Variants in GDAP2 observed in about 807,000 individuals in gnomAD.
GDAP2 encodes ganglioside induced differentiation associated protein 2, also known as ganglioside-induced differentiation-associated protein 2.
GDAP2 carries 51 observed loss-of-function variants against 67.0 expected under a neutral mutation model. That is an observed-to-expected ratio of 0.76 (90% confidence interval 0.61 to 0.96). GDAP2 has a LOEUF of 0.96. GDAP2 is among the 40% of genes least tolerant of loss of function. The pLI, the probability that GDAP2 is intolerant of heterozygous loss-of-function variation, is 0.00. For synonymous variants in GDAP2, 203 were observed against 207.3 expected, an observed-to-expected ratio of 0.98 and a Z score of 0.18; for missense variants, 547 against 588.3, an observed-to-expected ratio of 0.93 and a Z score of 0.73.
intron 1 of GDAP2, among the ~76,000 whole-genome samples, chr1:117,923,089 T>G (rs1650313620): frequency 6.6e-6 from 1 of 152,272 alleles, no homozygotes; most frequent in African/African-American, 2.4e-5. Flanking sequence ...TGTCCTGCCC[T>G]GCCCACAGGC....
intron 1 of GDAP2, among the ~76,000 whole-genome samples, chr1:117,927,000 G>GT (rs937499721): frequency 9.8e-5 from 11 of 111,866 alleles, no homozygotes; most frequent in Admixed American, 3.5e-4. Flanking sequence ...CTAAGCCCTA[G>GT]TTAAAAAAAA....
intron 13 of GDAP2, among the ~76,000 whole-genome samples, chr1:117,875,713 C>T (rs1467330562): frequency 3.3e-5 from 5 of 152,184 alleles, no homozygotes; most frequent in African/African-American, 1.2e-4. Flanking sequence ...GTATGCAGAA[C>T]ATAAAGCCAA....
At chr1:117,877,796 A>G in intron 13 of GDAP2, 1 of 1,254,012 alleles carries the variant, frequency 8.0e-7, no homozygotes, top group Non-Finnish European at 1.0e-6. Context: ...TCTCCCACTG[A>G]AACGTTTATC....
chr1:117,878,266 T>A, intron 12 of GDAP2, 114 bp from the exon 13 acceptor site: 1 of 546,666 alleles, frequency 1.8e-6, no homozygotes, highest in Non-Finnish European at 3.2e-6. Context: ...TTAAAATAAC[T>A]AGTGTTTTCA....
rs1232649670 is a variant in GDAP2, at chr1:117,866,738, C to T, written c.*3831G>A. 2.0e-5 allele frequency: 3 copies of T among 151,526 alleles called. No individual in the cohort carries two copies. Among genetic ancestry groups the T allele is most frequent in the Non-Finnish European group, 2.9e-5 (2 of 67,958 alleles). The allele number at this position is 151,526 out of a possible 1,614,324, so 9.4% of individuals were successfully genotyped here. A position where few individuals can be genotyped will look rare whatever the true frequency, so the allele number is the denominator to read the frequency against. Reference sequence around the variant, plus strand: ...GCATGGTGGTGCATGTCTATAATCTCACTTACTGGGGAGGCTGAGACAGGA... The same window carrying T: ...GCATGGTGGTGCATGTCTATAATCTTACTTACTGGGGAGGCTGAGACAGGA... On this transcript the variant is annotated 3_prime_UTR_variant, in exon 14 of 14. Coordinates refer to ENST00000369443, the MANE Select transcript of GDAP2 (RefSeq NM_017686.4).
At chr1:117,875,074 A>G (rs1336967050) in intron 13 of GDAP2, among the ~76,000 whole-genome samples, 1 of 152,220 alleles carries the variant, frequency 6.6e-6, no homozygotes, top group Non-Finnish European at 1.5e-5. Flanking sequence ...TTAGAAACTC[A>G]GCCTAGGCAT....
chr1:117,863,651 A>T lies in GDAP2; in HGVS notation c.*6918T>A, dbSNP rs918159800. ...ATTTGACAATAAATATTTTTGAGAA[A>T]ATATAAGAAAATAAACTTTCTAAAT... On this transcript the variant is annotated 3_prime_UTR_variant, in exon 14 of 14. Transcript: ENST00000369443. 1.3e-5 allele frequency: 2 copies of T among 149,832 alleles called. No individual in the cohort carries two copies. Among genetic ancestry groups the T allele is most frequent in the Non-Finnish European group, 2.9e-5 (2 of 68,036 alleles). The allele number at this position is 149,832 out of a possible 1,614,324, so 9.3% of individuals were successfully genotyped here.
At chr1:117,910,426 T>C (rs1649811986) in intron 5 of GDAP2, among the ~76,000 whole-genome samples, 1 of 152,126 alleles carries the variant, frequency 6.6e-6, no homozygotes, top group Admixed American at 6.6e-5. Flanking sequence ...TCTAATGTAA[T>C]GTATATAAGC....
At chr1:117,903,441 TTCTC>T (rs1350947793) in intron 6 of GDAP2, among the ~76,000 whole-genome samples, 2 of 152,186 alleles carry the variant, frequency 1.3e-5, no homozygotes, top group Admixed American at 6.5e-5. Flanking sequence ...GCTGAAGCAG[TTCTC>T]TCTTATTCCT....
At chr1:117,919,369 TCAAAAAAAAAAAAAAAGAATAAAGTATTG>T (rs1041277147) in intron 2 of GDAP2, among the ~76,000 whole-genome samples, 2 of 124,562 alleles carry the variant, frequency 1.6e-5, no homozygotes, top group African/African-American at 3.5e-5. Flanking sequence ...GCAAGACTCC[TCAAAAAAAAAAAAAAAGAATAAAGTATTG>T]ATTTGTACTA....
At chr1:117,898,174 C>A (rs577829796) in intron 7 of GDAP2, among the ~76,000 whole-genome samples, 202 of 152,126 alleles carry the variant, frequency 1.3e-3, no homozygotes, top group Non-Finnish European at 2.5e-3. Context: ...ACACTAAATG[C>A]ATTTTATGAA....
intron 10 of GDAP2, among the ~76,000 whole-genome samples, chr1:117,885,336 G>GA (rs932332316): frequency 6.6e-6 from 1 of 151,594 alleles, no homozygotes; most frequent in Non-Finnish European, 1.5e-5. Context: ...TATATATGAC[G>GA]AAAAAATGTG....
At chr1:117,906,887 T>C (rs766911857) in intron 5 of GDAP2, among the ~76,000 whole-genome samples, 2 of 152,212 alleles carry the variant, frequency 1.3e-5, no homozygotes, top group Non-Finnish European at 2.9e-5. Flanking sequence ...ATTGTATTTA[T>C]TGCTCTATTT....
chr1:117,873,320 C>T (rs190198629), intron 13 of GDAP2, among the ~76,000 whole-genome samples: 184 of 152,122 alleles, frequency 1.2e-3, no homozygotes, highest in African/African-American at 3.5e-3. Context: ...CTTCTGATTA[C>T]CTTCAAAGGT....
At chr1:117,907,137 T>C (rs1246410430) in intron 5 of GDAP2, among the ~76,000 whole-genome samples, 1 of 152,204 alleles carries the variant, frequency 6.6e-6, no homozygotes, top group Admixed American at 6.5e-5. Flanking sequence ...TCCTAATTCT[T>C]CTTTATCAAC....
intron 5 of GDAP2, among the ~76,000 whole-genome samples, chr1:117,911,045 G>A (rs1200222792): frequency 6.6e-6 from 1 of 152,160 alleles, no homozygotes; most frequent in Non-Finnish European, 1.5e-5. Context: ...AAGTCCAAAT[G>A]AGATTCCTTC....
chr1:117,884,813 CGTGTGTGTGTGT>C (rs35296112), intron 10 of GDAP2, among the ~76,000 whole-genome samples: 2 of 147,862 alleles, frequency 1.4e-5, no homozygotes, highest in Admixed American at 6.8e-5. Flanking sequence ...TTATTCCCTC[CGTGTGTGTGTGT>C]GTGTGTGTGT....
intron 11 of GDAP2, among the ~76,000 whole-genome samples, chr1:117,882,669 T>C (rs1648695084): frequency 6.6e-6 from 1 of 152,150 alleles, no homozygotes; most frequent in South Asian, 2.1e-4. Flanking sequence ...GAACTACATA[T>C]ATACAACCCA....
chr1:117,882,248 T>TA (rs1299314772), intron 11 of GDAP2, among the ~76,000 whole-genome samples: 1 of 152,118 alleles, frequency 6.6e-6, no homozygotes, highest in East Asian at 1.9e-4. Context: ...AATTTTAAAC[T>TA]AAAAGTTTCA....
Sources: allele counts gnomAD v4.1 joint callset (sites outside exome capture counted in the v4.1 genomes callset), GRCh38; gene constraint gnomAD v4.1.1; transcripts MANE v1.5; gene names NCBI Gene and HGNC (gene_info 2026-07-23, HGNC 2026-07-21).